Variants in ZNF609 observed in about 807,000 individuals in gnomAD.
The protein encoded by ZNF609 is zinc finger protein 609.
Under a neutral mutation model 109.5 loss-of-function variants are expected in ZNF609, and 11 were observed. That is an observed-to-expected ratio of 0.10 (90% CI 0.06 to 0.17). ZNF609 has a LOEUF of 0.17. Among genes scored for constraint, ZNF609 ranks in the 10% least tolerant of loss-of-function variants. ZNF609 has a pLI of 1.00. For synonymous variants in ZNF609, 646 were observed against 662.0 expected, an observed-to-expected ratio of 0.98 and a Z score of 0.37; for missense variants, 1,559 against 1,772.4, an observed-to-expected ratio of 0.88 and a Z score of 2.16.
At chr15:64,508,038 C>G (rs1306363581) in intron 2 of ZNF609, among the ~76,000 whole-genome samples, 1 of 151,970 alleles carries the variant, frequency 6.6e-6, no homozygotes, top group Admixed American at 6.6e-5. Flanking sequence ...TTTAAGCTGC[C>G]TAAGAAAGTG....
intron 2 of ZNF609, chr15:64,501,227 A>G (rs1893557391): frequency 6.6e-6 from 1 of 152,106 alleles, no homozygotes. Context: ...GGGAATACCT[A>G]TTTCCATATG....
At chr15:64,569,742 G>A (rs1304839414) in intron 2 of ZNF609, among the ~76,000 whole-genome samples, 1 of 152,198 alleles carries the variant, frequency 6.6e-6, no homozygotes, top group Non-Finnish European at 1.5e-5. Flanking sequence ...CAACCTTTGG[G>A]TTTATGCTGG....
intron 3 of ZNF609, among the ~76,000 whole-genome samples, chr15:64,657,756 A>T (rs1414894700): frequency 6.6e-6 from 1 of 152,202 alleles, no homozygotes; most frequent in Non-Finnish European, 1.5e-5. Flanking sequence ...CTTAGACTCT[A>T]GTGGTTGTGG....
intron 3 of ZNF609, among the ~76,000 whole-genome samples, chr15:64,644,178 A>AT (rs763200090): frequency 9.2e-5 from 14 of 151,858 alleles, no homozygotes; most frequent in East Asian, 5.8e-4. Flanking sequence ...TCCAAGACAA[A>AT]TTTTTTTTAA....
intron 2 of ZNF609, chr15:64,502,133 A>G (rs187301490): frequency 2.2e-4 from 34 of 152,328 alleles, no homozygotes; most frequent in Admixed American, 1.9e-3. Flanking sequence ...TTTGAAAGAT[A>G]GAGAAAATTG....
chr15:64,629,283 C>G (rs1235249454), intron 3 of ZNF609, among the ~76,000 whole-genome samples: 1 of 152,084 alleles, frequency 6.6e-6, no homozygotes, highest in Admixed American at 6.6e-5. Flanking sequence ...GGCAAACAGC[C>G]TTATCCACAA....
At chr15:64,625,746 G>A (rs1270725963) in intron 3 of ZNF609, among the ~76,000 whole-genome samples, 3 of 150,690 alleles carry the variant, frequency 2.0e-5, no homozygotes, top group South Asian at 2.1e-4. Flanking sequence ...AAAATTAGCC[G>A]GGTGTAGTGG....
rs1251165844 is a variant in ZNF609, at chr15:64,683,680, G to A, written c.*1994G>A. 1 of 152,236 alleles carries A rather than the reference G, an allele frequency of 6.6e-6. No individual in the cohort carries two copies. The highest frequency in any genetic ancestry group is 1.5e-5 in the Non-Finnish European group (1 of 68,094). 9.4% of individuals were successfully genotyped at this position (152,236 alleles called of 1,614,324 possible). ...CCCACCTGAGTCACCCCAACCAAGA[G>A]GGTGACTGAATTTCAGCCTGATTAT... On this transcript the variant is annotated 3_prime_UTR_variant, in exon 10 of 10. Coordinates refer to ENST00000326648, the MANE Select transcript of ZNF609 (RefSeq NM_015042.2).
intron 3 of ZNF609, among the ~76,000 whole-genome samples, chr15:64,625,191 A>G (rs1471344431): frequency 3.3e-5 from 5 of 152,192 alleles, no homozygotes; most frequent in Non-Finnish European, 7.3e-5. Context: ...GAGATCAGGC[A>G]GTCTGTTTTG....
chr15:64,552,375 TG>T (rs1894497083), intron 2 of ZNF609, among the ~76,000 whole-genome samples: 1 of 152,170 alleles, frequency 6.6e-6, no homozygotes, highest in African/African-American at 2.4e-5. Flanking sequence ...GTTGTTGTTT[TG>T]GTTTTTTGTT....
intron 3 of ZNF609, among the ~76,000 whole-genome samples, chr15:64,650,508 T>C (rs1896401216): frequency 2.0e-5 from 3 of 151,862 alleles, no homozygotes; most frequent in African/African-American, 7.3e-5. Context: ...CAACATAAAA[T>C]TTGTATGTGG....
At chr15:64,626,806 A>C (rs955257309) in intron 3 of ZNF609, among the ~76,000 whole-genome samples, 1 of 152,164 alleles carries the variant, frequency 6.6e-6, no homozygotes, top group African/African-American at 2.4e-5. Context: ...AGCACTGCAA[A>C]GATCCTACTT....
In ZNF609 at chr15:64,530,265, C is replaced by T. The variant is rs757339277; in HGVS notation, c.747+30099C>T. On this transcript the variant is annotated intron_variant, in intron 2 of 9. Transcript: ENST00000326648. ...TCCTGACCTCAAGTGATCCGCTTGC[C>T]TCTCAAAGTGCTGGGATTACAGGCA... Among the ~76,000 whole-genome samples the T allele has an allele frequency of 3.3e-5, 5 of 152,186 alleles. 1 individual carries two copies. Among genetic ancestry groups the T allele is most frequent in the African/African-American group, 4.8e-5 (2 of 41,428 alleles).
chr15:64,623,235 C>G (rs565835793), intron 3 of ZNF609, among the ~76,000 whole-genome samples, 183 bp downstream of exon 3: 5 of 152,328 alleles, frequency 3.3e-5, no homozygotes, highest in East Asian at 1.9e-4. Flanking sequence ...TCTAGAGATT[C>G]TTCCCTTCAT....
At chr15:64,528,980 C>T in intron 2 of ZNF609, 1 of 1,502,516 alleles carries the variant, frequency 6.7e-7, no homozygotes, top group Non-Finnish European at 9.2e-7. Context: ...ACATGGAAGG[C>T]CATGCCAGTG....
At chr15:64,480,093 C>A (rs1394039098) in intron 1 of ZNF609, among the ~76,000 whole-genome samples, 2 of 151,670 alleles carry the variant, frequency 1.3e-5, no homozygotes, top group Admixed American at 6.6e-5. Flanking sequence ...AAAAAATTAG[C>A]CTGGCATGGT....
intron 6 of ZNF609, among the ~76,000 whole-genome samples, chr15:64,679,094 C>T (rs567524589): frequency 1.3e-5 from 2 of 152,112 alleles, no homozygotes; most frequent in Non-Finnish European, 2.9e-5. Context: ...TTTTTTGAGA[C>T]GGAATTTCAC....
intron 2 of ZNF609, among the ~76,000 whole-genome samples, chr15:64,610,621 C>A (rs1895701285): frequency 6.6e-6 from 1 of 152,116 alleles, no homozygotes; most frequent in South Asian, 2.1e-4. Context: ...GTAGTCCGGC[C>A]TGGGTGAAAG....
rs888195523 is a variant in ZNF609 at position 64,675,331 on chromosome 15, A to G, written c.2477A>G (p.His826Arg). Residue 826 changes from histidine (H) to arginine (R), a missense_variant, in exon 5 of 10, where the codon CAT (histidine) becomes CGT (arginine). Physicochemically the swap from His to Arg is conservative, Grantham distance 29 (BLOSUM62 0). Coordinates refer to ENST00000326648, the MANE Select transcript of ZNF609 (RefSeq NM_015042.2). Reference protein sequence around the residue: ...TTPTQPLTPLHVVTQNGAEAS... With the variant: ...TTPTQPLTPLRVVTQNGAEAS... ...CCTACTCAGCCCCTGACTCCCTTAC[A>G]TGTGGTGACCCAGAATGGAGCTGAA... The G allele has an allele frequency of 3.1e-6, 5 of 1,613,994 alleles. No homozygotes were observed. Among genetic ancestry groups the G allele is most frequent in the Middle Eastern group, 3.3e-4 (2 of 6,058 alleles).
Sources: gnomAD v4.1 joint callset for allele counts (sites outside exome capture counted in the v4.1 genomes callset) on GRCh38, gnomAD v4.1.1 for gene constraint, MANE v1.5 for transcripts, NCBI Gene and HGNC (gene_info 2026-07-23, HGNC 2026-07-21) for gene names.